The following GRM8 variants were observed in gnomAD, a reference collection of about 807,000 sequenced individuals.
GRM8 encodes the protein glutamate metabotropic receptor 8, also known as metabotropic glutamate receptor 8.
A neutral mutation model predicts 87.2 loss-of-function variants in GRM8; 47 were observed. The ratio of observed to expected loss-of-function variants is 0.54; its 90% CI spans 0.43 to 0.69. GRM8 has a LOEUF of 0.69. Ranked by LOEUF, GRM8 falls within the 30% of genes least tolerant of loss-of-function variation. The probability of loss-of-function intolerance (pLI) is 0.00; values close to 1 mark genes in which losing one functional copy is unlikely to be tolerated. For missense variants in GRM8, 1,019 were observed against 1,139.2 expected, an observed-to-expected ratio of 0.89 and a Z score of 1.52; for synonymous variants, 396 against 404.5, an observed-to-expected ratio of 0.98 and a Z score of 0.25.
intron 3 of GRM8, among the ~76,000 whole-genome samples, chr7:126,966,131 T>C (rs1323876293): frequency 6.6e-6 from 1 of 152,098 alleles, no homozygotes; most frequent in Non-Finnish European, 1.5e-5. Context: ...ATTTCTTTTG[T>C]TGCTGTTCTT....
At chr7:126,714,014 G>A (rs1241516395) in intron 7 of GRM8, among the ~76,000 whole-genome samples, 3 of 151,560 alleles carry the variant, frequency 2.0e-5, no homozygotes, top group Non-Finnish European at 2.9e-5. Context: ...GCTCACACCT[G>A]TAATCCCAGC....
intron 3 of GRM8, among the ~76,000 whole-genome samples, chr7:127,079,063 T>A (rs754951589): frequency 6.6e-6 from 1 of 152,228 alleles, no homozygotes; most frequent in Non-Finnish European, 1.5e-5. Flanking sequence ...ATAAGCATAA[T>A]TGAAGTATTA....
At chr7:126,595,705 G>A (rs1314150351) in intron 8 of GRM8, among the ~76,000 whole-genome samples, 4 of 152,062 alleles carry the variant, frequency 2.6e-5, no homozygotes, top group African/African-American at 9.7e-5. Context: ...ATATGGCCAT[G>A]TAGTATTCCA....
At chr7:126,623,338 A>C (rs1178801650) in intron 7 of GRM8, among the ~76,000 whole-genome samples, 1 of 152,218 alleles carries the variant, frequency 6.6e-6, no homozygotes, top group Non-Finnish European at 1.5e-5. Flanking sequence ...AATATACTTT[A>C]TGTAAACTAA....
intron 3 of GRM8, among the ~76,000 whole-genome samples, chr7:127,097,079 T>C (rs1164599576): frequency 6.6e-6 from 1 of 152,144 alleles, no homozygotes; most frequent in African/African-American, 2.4e-5. Context: ...ATACTGGATA[T>C]TGGGGGATCT....
rs1314761843 is a variant in GRM8 at position 126,906,806 on chromosome 7, C to T, written c.728-2123G>A. 2.6e-5 allele frequency among the ~76,000 whole-genome samples: 4 copies of T among 152,150 alleles called. No homozygotes were observed. In the East Asian group the frequency reaches 7.7e-4, roughly 29 times the overall value. ...CTTAGTAACCTTACAATTTGCATCC[C>T]AGGGGTGGGAATTGCCCATAATACA... On this transcript the variant is annotated intron_variant, in intron 3 of 10. Transcript: ENST00000339582.
At chr7:127,160,541 A>G (rs954875405) in intron 2 of GRM8, among the ~76,000 whole-genome samples, 5 of 151,990 alleles carry the variant, frequency 3.3e-5, no homozygotes, top group African/African-American at 4.8e-5. Flanking sequence ...GCGCGCACAC[A>G]CACACACACA....
chr7:126,513,290 T>C (rs751016674), intron 9 of GRM8, among the ~76,000 whole-genome samples: 5 of 152,104 alleles, frequency 3.3e-5, no homozygotes, highest in Non-Finnish European at 1.5e-5. Flanking sequence ...GTGGTCTTCT[T>C]ACCTGACCCT....
intron 3 of GRM8, among the ~76,000 whole-genome samples, chr7:127,037,671 C>T (rs948570738): frequency 2.6e-5 from 4 of 152,124 alleles, no homozygotes; most frequent in African/African-American, 9.7e-5. Context: ...GTGGGGGCTA[C>T]TAGGACCTTT....
At chr7:127,167,000 T>G (rs1793492014) in intron 2 of GRM8, among the ~76,000 whole-genome samples, 1 of 152,090 alleles carries the variant, frequency 6.6e-6, no homozygotes, top group Non-Finnish European at 1.5e-5. Context: ...CAAGCATGAG[T>G]TGAATTAAAT....
chr7:126,911,168 G>A (rs1424332417), intron 3 of GRM8, among the ~76,000 whole-genome samples: 1 of 152,134 alleles, frequency 6.6e-6, no homozygotes, highest in Non-Finnish European at 1.5e-5. Flanking sequence ...ACCATTTTAT[G>A]TGTAATATTA....
chr7:126,953,414 C>G lies in GRM8; in HGVS notation c.728-48731G>C, dbSNP rs139735016. ...TTGCAAAGACCGTGGCCTTAAAAAG[C>G]TTTTGTCATTTCTCAGTTGTTTGCA... On this transcript the variant is annotated intron_variant, in intron 3 of 10. Transcript: ENST00000339582. Among the ~76,000 whole-genome samples, 580 of 152,144 alleles carry G rather than the reference C, an allele frequency of 3.8e-3. 1 individual carries two copies. Among genetic ancestry groups the G allele is most frequent in the Non-Finnish European group, 6.1e-3 (413 of 67,924 alleles).
rs1392046271 is a variant in GRM8, at chr7:126,904,424, C to A, written c.863+124G>T. On this transcript the variant is annotated intron_variant, in intron 4 of 10. Transcript: ENST00000339582. ...TTACTCTGTAGGTATTTCAGATTTA[C>A]AAACTAGAAGGCAGTCTGTTATTGG... The A allele has an allele frequency of 4.3e-6, 4 of 937,096 alleles. No homozygotes were observed. In the African/African-American group the frequency reaches 6.6e-5, roughly 15 times the overall value. 58.0% of individuals were successfully genotyped at this position (937,096 alleles called of 1,614,324 possible). A position where few individuals can be genotyped will look rare whatever the true frequency, so the allele number is the denominator to read the frequency against.
chr7:126,807,389 C>T (rs867436730), intron 6 of GRM8, among the ~76,000 whole-genome samples: 4 of 152,162 alleles, frequency 2.6e-5, no homozygotes, highest in African/African-American at 9.7e-5. Flanking sequence ...CAGCGTTTTT[C>T]TCTTGTGCAG....
At chr7:126,996,695 C>G (rs1813208746) in intron 3 of GRM8, among the ~76,000 whole-genome samples, 2 of 151,872 alleles carry the variant, frequency 1.3e-5, no homozygotes, top group South Asian at 4.2e-4. Context: ...TAAGAAGAGA[C>G]AACATTGTTA....
At chr7:127,080,258 G>T (rs746275288) in intron 3 of GRM8, among the ~76,000 whole-genome samples, 9 of 152,198 alleles carry the variant, frequency 5.9e-5, no homozygotes, top group Non-Finnish European at 1.2e-4. Context: ...GCCAAGGAAT[G>T]CTGGCAGCTT....
chr7:126,982,791 C>G (rs1244209754), intron 3 of GRM8, among the ~76,000 whole-genome samples: 2 of 152,150 alleles, frequency 1.3e-5, no homozygotes, highest in Non-Finnish European at 2.9e-5. Context: ...ATTCTGTATT[C>G]CCTTTGCCTT....
At chr7:127,090,399 A>G (rs1468782456) in intron 3 of GRM8, among the ~76,000 whole-genome samples, 1 of 152,196 alleles carries the variant, frequency 6.6e-6, no homozygotes, top group African/African-American at 2.4e-5. Flanking sequence ...ACCTTAGGAC[A>G]TCTTGCAGTC....
chr7:126,987,854 C>T (rs531279854), intron 3 of GRM8, among the ~76,000 whole-genome samples: 1 of 152,268 alleles, frequency 6.6e-6, no homozygotes, highest in East Asian at 1.9e-4. Flanking sequence ...AAACTAACTT[C>T]TTATCAAATT....
Sources: gnomAD v4.1 joint callset for allele counts (sites outside exome capture counted in the v4.1 genomes callset) on GRCh38, gnomAD v4.1.1 for gene constraint, MANE v1.5 for transcripts, NCBI Gene and HGNC (gene_info 2026-07-23, HGNC 2026-07-21) for gene names.